The following LLGL2 variants were observed in gnomAD, a reference collection of about 807,000 sequenced individuals.
LLGL2 encodes the protein LLGL2, scribble cell polarity complex component.
A neutral mutation model predicts 123.2 loss-of-function variants in LLGL2; 81 were observed. That is an observed-to-expected ratio of 0.66 (90% CI 0.55 to 0.79). LLGL2 has a LOEUF of 0.79. Among genes scored for constraint, LLGL2 ranks in the 30% least tolerant of loss-of-function variants. LLGL2 has a pLI of 0.00. For missense variants in LLGL2, 1,273 were observed against 1,414.6 expected, an observed-to-expected ratio of 0.90 and a Z score of 1.61; for synonymous variants, 577 against 594.1, an observed-to-expected ratio of 0.97 and a Z score of 0.42.
chr17:75,540,277 G>A (rs2054158023), intron 1 of LLGL2, among the ~76,000 whole-genome samples: 1 of 152,204 alleles, frequency 6.6e-6, no homozygotes, highest in South Asian at 2.1e-4. Context: ...CTGGGGTGGG[G>A]AGCTGAGGAG....
chr17:75,571,599 C>T, intron 17 of LLGL2, 68 bp from the exon 18 acceptor site: 4 of 1,197,496 alleles, frequency 3.3e-6, no homozygotes, highest in Non-Finnish European at 3.6e-6. Context: ...TGGGAGTAAA[C>T]CCTGGTTGCC....
chr17:75,571,035 C>G lies in LLGL2; in HGVS notation c.2111C>G (p.Ser704Trp), dbSNP rs754925688. ...GTGCAGCGCAAGATCGAGGCTCGCT[C>G]GGCAGAGGACTCCTTCACAGGCTTC... ...APVQRKIEAR[S>W]AEDSFTGFVR... Residue 704 changes from serine to tryptophan, a missense_variant, in exon 17 of 26, where the codon TCG becomes TGG. Ser to Trp is a radical substitution (Grantham distance 177). Coordinates refer to ENST00000392550, the MANE Select transcript of LLGL2 (RefSeq NM_001031803.2). The G allele has an allele frequency of 2.5e-6, 4 of 1,612,866 alleles. No homozygotes were observed. In the African/African-American group the frequency reaches 5.3e-5, roughly 22 times the overall value.
chr17:75,542,401 G>A (rs1379391021), intron 1 of LLGL2, among the ~76,000 whole-genome samples: 1 of 151,994 alleles, frequency 6.6e-6, no homozygotes, highest in Non-Finnish European at 1.5e-5. Flanking sequence ...CCCCCATCCT[G>A]CTGGGAGTGG....
intron 10 of LLGL2, among the ~76,000 whole-genome samples, chr17:75,566,594 A>G (rs2055453198): frequency 6.6e-6 from 1 of 152,206 alleles, no homozygotes; most frequent in Non-Finnish European, 1.5e-5. Context: ...CAAGGGGCGT[A>G]TCCGTGTTCC....
intron 2 of LLGL2, among the ~76,000 whole-genome samples, chr17:75,555,659 C>T (rs1427544351): frequency 3.9e-5 from 6 of 152,074 alleles, no homozygotes; most frequent in East Asian, 1.9e-4. Context: ...CCCGAGAGAC[C>T]GGTGTCTCCA....
chr17:75,572,681 A>C (rs1348383525), intron 19 of LLGL2, among the ~76,000 whole-genome samples: 6 of 147,708 alleles, frequency 4.1e-5, no homozygotes, highest in East Asian at 4.0e-4. Flanking sequence ...AAAAAAAAAA[A>C]CCAGCATGGT....
At chr17:75,532,077 C>CACACACACACACACTT (rs58220046) in intron 1 of LLGL2, among the ~76,000 whole-genome samples, 20 of 83,986 alleles carry the variant, frequency 2.4e-4, no homozygotes, top group Non-Finnish European at 3.7e-4. Flanking sequence ...CACACACACA[C>CACACACACACACACTT]TTTTTTTTTT....
chr17:75,560,085 C>T (rs2055133180), intron 6 of LLGL2, among the ~76,000 whole-genome samples: 1 of 152,176 alleles, frequency 6.6e-6, no homozygotes, highest in African/African-American at 2.4e-5. Context: ...CCCTGCAAGG[C>T]TTTGGACTGG....
rs778103561 is a variant in LLGL2, at chr17:75,571,125, G to T, written c.2176+25G>T. 1.9e-6 allele frequency: 3 copies of T among 1,581,374 alleles called. No individual in the cohort carries two copies. In the East Asian group the frequency reaches 6.8e-5, roughly 36 times the overall value. Reference sequence around the variant, plus strand: ...AGTGAGTGGCCAGCCTGGGGTTGGGGGGCAGGGGGTAGTGGGCAGCAGACA... The same window carrying T: ...AGTGAGTGGCCAGCCTGGGGTTGGGTGGCAGGGGGTAGTGGGCAGCAGACA... On this transcript the variant is annotated intron_variant, in intron 17 of 25. Transcript: ENST00000392550.
intron 10 of LLGL2, chr17:75,567,948 A>T (rs1195881296): frequency 5.0e-6 from 3 of 605,476 alleles, no homozygotes; most frequent in Non-Finnish European, 6.2e-6. Flanking sequence ...GTCTCGAGAA[A>T]AGAAAAAAAA....
At chr17:75,529,585 G>A (rs911640415) in intron 1 of LLGL2, among the ~76,000 whole-genome samples, 1 of 151,830 alleles carries the variant, frequency 6.6e-6, no homozygotes, top group South Asian at 2.1e-4. Context: ...AAATTAGGCC[G>A]GGCTCTGTGT....
At chr17:75,537,459 C>T (rs1167493731) in intron 1 of LLGL2, among the ~76,000 whole-genome samples, 3 of 152,026 alleles carry the variant, frequency 2.0e-5, no homozygotes, top group Non-Finnish European at 2.9e-5. Context: ...TTTGTGGGGC[C>T]GAGGTGGGCA....
intron 2 of LLGL2, among the ~76,000 whole-genome samples, chr17:75,552,964 G>A (rs1353725033): frequency 1.3e-5 from 2 of 152,200 alleles, no homozygotes; most frequent in South Asian, 2.1e-4. Context: ...TGTTCCCTGA[G>A]CTGCCTCTGC....
At chr17:75,530,401 A>T (rs1247946476) in intron 1 of LLGL2, among the ~76,000 whole-genome samples, 3 of 152,192 alleles carry the variant, frequency 2.0e-5, no homozygotes, top group Non-Finnish European at 4.4e-5. Flanking sequence ...CTGTAATTCC[A>T]GCACTTTGGG....
At chr17:75,547,798 C>T (rs998764782) in intron 2 of LLGL2, among the ~76,000 whole-genome samples, 1 of 150,608 alleles carries the variant, frequency 6.6e-6, no homozygotes, top group Admixed American at 6.6e-5. Context: ...GCACTCTAGC[C>T]TGGGTGACAG....
At chr17:75,556,335 T>C (rs993499596) in intron 3 of LLGL2, among the ~76,000 whole-genome samples, 192 bp downstream of exon 3, 4 of 152,158 alleles carry the variant, frequency 2.6e-5, no homozygotes, top group African/African-American at 9.7e-5. Flanking sequence ...CACCTGGGCA[T>C]GAGTGCATCC....
intron 10 of LLGL2, chr17:75,567,950 G>GAA (rs141562656): frequency 1.2e-3 from 583 of 482,322 alleles, no homozygotes; most frequent in South Asian, 1.5e-3. Context: ...CTCGAGAAAA[G>GAA]AAAAAAAAAA....
rs2147608501 is a variant in LLGL2, at chr17:75,574,401, G to A, written c.2954-52G>A. On this transcript the variant is annotated intron_variant, in intron 23 of 25. Transcript: ENST00000392550. ...CGGAGAAAGGGGGTGGAAGGGCTGT[G>A]GCTAGCCGCCCCAAGGGCCTCAGTG... is the stretch of plus-strand genomic sequence containing the variant. 7 of 1,546,172 alleles carry A rather than the reference G, an allele frequency of 4.5e-6. No individual in the cohort carries two copies. In the East Asian group the frequency reaches 1.2e-4, roughly 27 times the overall value.
rs148825089 is a variant in LLGL2, at chr17:75,555,998, G to T, written c.76-48G>T. 6.2e-6 allele frequency: 9 copies of T among 1,457,722 alleles called. No homozygotes were observed. In the South Asian group the frequency reaches 9.2e-5, roughly 15 times the overall value. The allele number at this position is 1,457,722 out of a possible 1,614,324, so 90.3% of individuals were successfully genotyped here. A position where few individuals can be genotyped will look rare whatever the true frequency, so the allele number is the denominator to read the frequency against. On this transcript the variant is annotated intron_variant, in intron 2 of 25. Coordinates refer to ENST00000392550, the MANE Select transcript of LLGL2 (RefSeq NM_001031803.2). ...CTGCAGCTGCAGCAGCCATGGTGGC[G>T]CGAAGGGGACAGGTCTGCAGGCCCA...
Sources: gnomAD v4.1 joint callset for allele counts (sites outside exome capture counted in the v4.1 genomes callset) on GRCh38, gnomAD v4.1.1 for gene constraint, MANE v1.5 for transcripts, NCBI Gene and HGNC (gene_info 2026-07-23, HGNC 2026-07-21) for gene names.